The following CDH8 variants were observed in gnomAD, a reference collection of about 807,000 sequenced individuals.
CDH8 encodes the protein cadherin-8.
Under a neutral mutation model 68.1 loss-of-function variants are expected in CDH8, and 17 were observed. The ratio of observed to expected loss-of-function variants is 0.25; its 90% CI spans 0.17 to 0.37. The LOEUF (loss-of-function observed/expected upper bound fraction) is 0.37. Ranked by LOEUF, CDH8 falls within the 10% of genes least tolerant of loss-of-function variation. The probability of loss-of-function intolerance (pLI) is 1.00; values close to 1 mark genes in which losing one functional copy is unlikely to be tolerated. For missense variants in CDH8, 763 were observed against 999.3 expected (o/e 0.76, Z 3.19); for synonymous variants, 372 against 365.1 (o/e 1.02, Z -0.21).
At chr16:61,826,651 T>TA (rs1962342890) in intron 4 of CDH8, among the ~76,000 whole-genome samples, 1 of 151,594 alleles carries the variant, frequency 6.6e-6, no homozygotes, top group African/African-American at 2.4e-5. Context: ...TTTTTTTTTT[T>TA]AATTCATATG....
chr16:62,015,117 A>G (rs1016773162), intron 2 of CDH8, among the ~76,000 whole-genome samples: 1 of 152,182 alleles, frequency 6.6e-6, no homozygotes, highest in Non-Finnish European at 1.5e-5. Flanking sequence ...ACATGACACT[A>G]GAAGTAGAAA....
intron 8 of CDH8, among the ~76,000 whole-genome samples, chr16:61,753,889 A>G (rs1420557928): frequency 6.6e-6 from 1 of 152,144 alleles, no homozygotes; most frequent in South Asian, 2.1e-4. Flanking sequence ...TAATAAAAAC[A>G]GTAGGAGCTT....
chr16:61,990,304 CCTT>C (rs1373312772), intron 2 of CDH8, among the ~76,000 whole-genome samples: 1 of 130,370 alleles, frequency 7.7e-6, no homozygotes, highest in Non-Finnish European at 1.6e-5. Context: ...TTGAAGAAGT[CCTT>C]TTTTTTTTTT....
At chr16:61,706,569 C>T (rs866908880) in intron 10 of CDH8, among the ~76,000 whole-genome samples, 1 of 141,726 alleles carries the variant, frequency 7.1e-6, no homozygotes, top group Non-Finnish European at 1.5e-5. Context: ...TGCAGTGAGC[C>T]GAGATCGCGC....
At position 61,655,653 on chromosome 16, in the gene CDH8, G is replaced by C; in HGVS notation, c.1723C>G (p.Pro575Ala). 1 of 1,613,974 alleles carries C rather than the reference G, an allele frequency of 6.2e-7. No homozygotes were observed. The highest frequency in any genetic ancestry group is 8.5e-7 in the Non-Finnish European group (1 of 1,179,874). Residue 575 changes from proline to alanine, a missense_variant, in exon 11 of 12, where the codon CCA (proline) becomes GCA (alanine). By Grantham distance (27) the Pro-to-Ala change is conservative. This residue lies in a region of CDH8 where 397 missense variants were observed against 436.2 expected (regional missense o/e 0.91). Coordinates refer to ENST00000577390, the MANE Select transcript of CDH8 (RefSeq NM_001796.5). ...NRQKQEVYLL[P>A]IIISDSGNPP... ...TTTCCACTATCACTGATTATGATTGGTAAAAGATAGACTTCTTGCTTCTGG... is the reference window on the plus strand; with the variant it reads ...TTTCCACTATCACTGATTATGATTGCTAAAAGATAGACTTCTTGCTTCTGG...
At chr16:61,688,465 C>T (rs1335366489) in intron 10 of CDH8, among the ~76,000 whole-genome samples, 1 of 151,874 alleles carries the variant, frequency 6.6e-6, no homozygotes, top group Non-Finnish European at 1.5e-5. Context: ...GGAGTTTTGC[C>T]CTTTTTATGA....
At chr16:61,673,692 G>C (rs1963840790) in intron 10 of CDH8, among the ~76,000 whole-genome samples, 2 of 152,056 alleles carry the variant, frequency 1.3e-5, no homozygotes, top group Non-Finnish European at 1.5e-5. Context: ...CACTTTTTCA[G>C]TGAGATTTAG....
At chr16:61,890,063 G>T (rs1963746156) in intron 3 of CDH8, among the ~76,000 whole-genome samples, 1 of 152,196 alleles carries the variant, frequency 6.6e-6, no homozygotes, top group South Asian at 2.1e-4. Context: ...CTCAGAGAAG[G>T]CTCGGTTGAA....
intron 3 of CDH8, among the ~76,000 whole-genome samples, chr16:61,893,308 C>G (rs535334422): frequency 5.6e-4 from 86 of 152,228 alleles, no homozygotes; most frequent in South Asian, 4.6e-3. Context: ...CTAATGACAT[C>G]TGCTAAAACG....
At chr16:61,722,091 T>C (rs1306211729) in intron 9 of CDH8, among the ~76,000 whole-genome samples, 1 of 150,756 alleles carries the variant, frequency 6.6e-6, no homozygotes, top group Non-Finnish European at 1.5e-5. Flanking sequence ...GTGTGTATTT[T>C]ATTCAAGCAT....
At chr16:61,987,232 C>T (rs768700055) in intron 2 of CDH8, among the ~76,000 whole-genome samples, 2 of 152,190 alleles carry the variant, frequency 1.3e-5, no homozygotes, top group African/African-American at 2.4e-5. Flanking sequence ...AGGCCAGGCC[C>T]GTGGCTCACA....
At chr16:61,958,914 C>A (rs1281951731) in intron 2 of CDH8, among the ~76,000 whole-genome samples, 1 of 152,096 alleles carries the variant, frequency 6.6e-6, no homozygotes, top group Non-Finnish European at 1.5e-5. Context: ...TCAGTATAAC[C>A]CCCAGGCCAT....
intron 1 of CDH8, among the ~76,000 whole-genome samples, chr16:62,029,486 G>T (rs918030214): frequency 6.6e-6 from 1 of 152,100 alleles, no homozygotes; most frequent in African/African-American, 2.4e-5. Context: ...CAATGACTTC[G>T]AGTAGTTTTA....
At chr16:61,943,257 A>G (rs868162034) in intron 2 of CDH8, among the ~76,000 whole-genome samples, 18 of 152,210 alleles carry the variant, frequency 1.2e-4, no homozygotes, top group South Asian at 2.1e-4. Context: ...ATTCGTCTGT[A>G]TTTCAGCACC....
At chr16:61,829,980 C>T (rs545960621) in intron 4 of CDH8, among the ~76,000 whole-genome samples, 5 of 151,962 alleles carry the variant, frequency 3.3e-5, no homozygotes, top group East Asian at 1.9e-4. Context: ...ACACATATTA[C>T]TTAACTTTAC....
At chr16:61,972,912 TTAA>T (rs530578877) in intron 2 of CDH8, among the ~76,000 whole-genome samples, 310 of 152,212 alleles carry the variant, frequency 2.0e-3, no homozygotes, top group African/African-American at 7.1e-3. Context: ...CAAAGCTCAG[TTAA>T]GGTTTTTATA....
At chr16:61,766,294 C>T (rs550623746) in intron 8 of CDH8, among the ~76,000 whole-genome samples, 1 of 152,112 alleles carries the variant, frequency 6.6e-6, no homozygotes, top group Non-Finnish European at 1.5e-5. Context: ...GCCCCCAGTT[C>T]CATCCAAATT....
At chr16:61,823,824 C>T (rs1962269684) in intron 5 of CDH8, among the ~76,000 whole-genome samples, 1 of 151,890 alleles carries the variant, frequency 6.6e-6, no homozygotes, top group African/African-American at 2.4e-5. Context: ...ACTCTCTGCT[C>T]CAGCTGCAGT....
intron 3 of CDH8, among the ~76,000 whole-genome samples, chr16:61,893,087 C>T (rs1171404573): frequency 2.0e-5 from 3 of 152,124 alleles, no homozygotes; most frequent in Non-Finnish European, 4.4e-5. Context: ...TCAGATCCAA[C>T]ACCAGTTCCC....
Sources: gnomAD v4.1 joint callset for allele counts (sites outside exome capture counted in the v4.1 genomes callset) on GRCh38, gnomAD v4.1.1 for gene constraint, gnomAD v4.1.1 regional missense constraint, MANE v1.5 for transcripts, NCBI Gene and HGNC (gene_info 2026-07-23, HGNC 2026-07-21) for gene names.